MAP1LC3B: variants seen among roughly 807,000 people sequenced by gnomAD.
MAP1LC3B encodes microtubule-associated protein 1 light chain 3 beta.
A neutral mutation model predicts 16.7 loss-of-function variants in MAP1LC3B; 12 were observed. The ratio of observed to expected loss-of-function variants is 0.72; its 90% confidence interval spans 0.46 to 1.16. The LOEUF is 1.16. MAP1LC3B is among the 50% of genes most tolerant of loss of function. MAP1LC3B has a pLI of 0.00. For synonymous variants in MAP1LC3B, 63 were observed against 56.5 expected (o/e 1.11, Z -0.51); for missense variants, 155 against 159.5 (o/e 0.97, Z 0.15).
intron 3 of MAP1LC3B, 65 bp from the exon 4 acceptor site, chr16:87,402,858 T>G: frequency 1.3e-6 from 2 of 1,589,308 alleles, no homozygotes; most frequent in Non-Finnish European, 1.7e-6. Flanking sequence ...GGGTGATATT[T>G]TAACACATGC....
intron 1 of MAP1LC3B, 148 bp from the exon 2 acceptor site, chr16:87,398,666 TG>T: frequency 1.4e-6 from 1 of 691,174 alleles, no homozygotes; most frequent in Non-Finnish European, 2.6e-6. Flanking sequence ...GAAGTGTTCG[TG>T]TTTTGTTTCT....
At chr16:87,393,016 A>C (rs1907657080) in intron 1 of MAP1LC3B, 1 of 152,082 alleles carries the variant, frequency 6.6e-6, no homozygotes, top group Non-Finnish European at 1.5e-5. Flanking sequence ...GCCTCGGTCG[A>C]GAGGAGGGGA....
Position 87,392,480 on chromosome 16 carries a change from G to C in MAP1LC3B, c.40+13G>C, listed in dbSNP as rs1345601695. On this transcript the variant is annotated intron_variant, in intron 1 of 3. Coordinates refer to ENST00000268607, the MANE Select transcript of MAP1LC3B (RefSeq NM_022818.5). ...CGCCGCACCTTCGGTGAGTGTCGCC[G>C]CGAGGGCGGCGGGTGCGGCGGGGCC... 7.6e-7 allele frequency: 1 copy of C among 1,312,706 alleles called. No individual in the cohort carries two copies. Among genetic ancestry groups the C allele is most frequent in the African/African-American group, 1.5e-5 (1 of 64,746 alleles). 81.3% of individuals were successfully genotyped at this position (1,312,706 alleles called of 1,614,324 possible). A position where few individuals can be genotyped will look rare whatever the true frequency, so the allele number is the denominator to read the frequency against.
chr16:87,403,073 G>A lies in MAP1LC3B; in HGVS notation c.354G>A (p.Thr118=), dbSNP rs1377124163. The change falls in exon 4 of 4, where the codon ACG becomes ACA. Residue 118 remains threonine, a synonymous_variant. Coordinates refer to ENST00000268607, the MANE Select transcript of MAP1LC3B (RefSeq NM_022818.5). The part of the protein sequence containing the change: ...FLYMVYASQE[T]FGMKLSV The stretch of plus-strand genomic sequence containing the variant: ...ACATGGTCTATGCCTCCCAGGAGAC[G>A]TTCGGGATGAAATTGTCAGTGTAAA... 8 of 1,611,714 alleles carry A rather than the reference G, an allele frequency of 5.0e-6. No homozygotes were observed. Among genetic ancestry groups the A allele is most frequent in the South Asian group, 3.3e-5 (3 of 90,224 alleles).
chr16:87,399,696 C>A, intron 2 of MAP1LC3B: 1 of 404,656 alleles, frequency 2.5e-6, no homozygotes. Context: ...GGTATTATAA[C>A]AGCTTAAAAC....
chr16:87,397,356 C>CCGTGA (rs148030617), intron 1 of MAP1LC3B, among the ~76,000 whole-genome samples: 1,603 of 152,100 alleles, frequency 0.011, 32 homozygotes, highest in African/African-American at 0.037. Flanking sequence ...TGGTGGCTCA[C>CCGTGA]GCCTGTAATC....
intron 1 of MAP1LC3B, among the ~76,000 whole-genome samples, chr16:87,398,508 G>A (rs1478132188): frequency 6.6e-6 from 1 of 152,226 alleles, no homozygotes; most frequent in Non-Finnish European, 1.5e-5. Flanking sequence ...CTCATGCAGT[G>A]GGTCTGCCTT....
At chr16:87,393,852 G>C (rs558863529) in intron 1 of MAP1LC3B, among the ~76,000 whole-genome samples, 3 of 152,146 alleles carry the variant, frequency 2.0e-5, no homozygotes, top group Non-Finnish European at 4.4e-5. Context: ...GCGATCCAGC[G>C]GCCCCCCTCA....
chr16:87,400,469 G>A (rs1032390527), intron 2 of MAP1LC3B, among the ~76,000 whole-genome samples: 10 of 151,968 alleles, frequency 6.6e-5, no homozygotes, highest in African/African-American at 1.9e-4. Context: ...GTGAGCCACC[G>A]CACCTGGCCT....
At chr16:87,393,002 C>G (rs1907655712) in intron 1 of MAP1LC3B, 1 of 152,288 alleles carries the variant, frequency 6.6e-6, no homozygotes, top group Non-Finnish European at 1.5e-5. Context: ...TTACAGACCT[C>G]AGTGCCTCGG....
At chr16:87,398,689 G>C (rs904745546) in intron 1 of MAP1LC3B, 126 bp from the exon 2 acceptor site, 5 of 802,184 alleles carry the variant, frequency 6.2e-6, no homozygotes, top group East Asian at 4.9e-5. Context: ...TAAGTCCTAG[G>C]AAAGATGTCT....
intron 1 of MAP1LC3B, among the ~76,000 whole-genome samples, chr16:87,394,168 T>A (rs1329368375): frequency 6.6e-6 from 1 of 152,186 alleles, no homozygotes; most frequent in Non-Finnish European, 1.5e-5. Flanking sequence ...TTCCCTTGGC[T>A]CACCTTTATT....
At chr16:87,398,132 C>T (rs1907869437) in intron 1 of MAP1LC3B, among the ~76,000 whole-genome samples, 1 of 151,990 alleles carries the variant, frequency 6.6e-6, no homozygotes, top group South Asian at 2.1e-4. Context: ...AAGTGATTCT[C>T]CTGCCTCAGC....
intron 1 of MAP1LC3B, 93 bp from the exon 2 acceptor site, chr16:87,398,722 C>A: frequency 9.2e-7 from 1 of 1,092,492 alleles, no homozygotes; most frequent in Non-Finnish European, 1.4e-6. Flanking sequence ...TGTGCCACAG[C>A]TAGCAGCTGA....
Position 87,392,460 on chromosome 16 carries a change from C to A in MAP1LC3B, c.33C>A (p.Arg11=). 1.5e-6 allele frequency: 2 copies of A among 1,366,546 alleles called. No homozygotes were observed. Among genetic ancestry groups the A allele is most frequent in the South Asian group, 1.7e-5 (1 of 57,724 alleles). 84.7% of individuals were successfully genotyped at this position (1,366,546 alleles called of 1,614,324 possible). A position where few individuals can be genotyped will look rare whatever the true frequency, so the allele number is the denominator to read the frequency against. Residue 11 remains arginine, a synonymous_variant, in exon 1 of 4, where the codon CGC becomes CGA. Coordinates refer to ENST00000268607, the MANE Select transcript of MAP1LC3B (RefSeq NM_022818.5). MPSEKTFKQR[R]TFEQRVEDVR... The stretch of plus-strand genomic sequence containing the variant: ...CGGAGAAGACCTTCAAGCAGCGCCG[C>A]ACCTTCGGTGAGTGTCGCCGCGAGG...
chr16:87,397,889 T>G (rs1907860916), intron 1 of MAP1LC3B, among the ~76,000 whole-genome samples: 1 of 152,116 alleles, frequency 6.6e-6, no homozygotes, highest in Non-Finnish European at 1.5e-5. Context: ...TATTGCTTTG[T>G]AAATGACTTC....
At chr16:87,392,586 T>C (rs1907624780) in intron 1 of MAP1LC3B, 119 bp downstream of exon 1, 3 of 976,496 alleles carry the variant, frequency 3.1e-6, no homozygotes, top group African/African-American at 1.7e-5. Context: ...GCGGGGCCGG[T>C]GGCTGCCGGC....
intron 1 of MAP1LC3B, chr16:87,396,935 C>T (rs1358604893): frequency 6.6e-6 from 1 of 152,224 alleles, no homozygotes; most frequent in Non-Finnish European, 1.5e-5. Flanking sequence ...TCAAGCGATT[C>T]TCCTACCTCA....
At chr16:87,402,329 T>G (rs1441985652) in intron 3 of MAP1LC3B, 48 bp downstream of exon 3, 1 of 1,522,106 alleles carries the variant, frequency 6.6e-7, no homozygotes, top group Non-Finnish European at 9.0e-7. Flanking sequence ...GAGTAACTTC[T>G]TATTCTTTAT....
Sources: gnomAD v4.1 joint callset for allele counts (sites outside exome capture counted in the v4.1 genomes callset) on GRCh38, gnomAD v4.1.1 for gene constraint, MANE v1.5 for transcripts, NCBI Gene and HGNC (gene_info 2026-07-23, HGNC 2026-07-21) for gene names.